The following SYNPO variants were observed in gnomAD, a reference collection of about 807,000 sequenced individuals.
The protein encoded by SYNPO is synaptopodin.
SYNPO carries 19 observed loss-of-function variants against 49.5 expected under a neutral mutation model. That is an observed-to-expected ratio of 0.38 (90% CI 0.27 to 0.56). The LOEUF (loss-of-function observed/expected upper bound fraction) is 0.56, where lower values mean the gene tolerates loss of function less well. Among genes scored for constraint, SYNPO ranks in the 20% least tolerant of loss-of-function variants. SYNPO has a pLI of 0.68. For missense variants in SYNPO, 1,131 were observed against 1,248.3 expected, an observed-to-expected ratio of 0.91 and a Z score of 1.42; for synonymous variants, 536 against 548.0, an observed-to-expected ratio of 0.98 and a Z score of 0.31.
chr5:150,594,530 C>T, the SYNPO span, among the ~76,000 whole-genome samples: 1 of 152,224 alleles, frequency 6.6e-6, no homozygotes, highest in African/African-American at 2.4e-5. Context: ...CTGCTGCCAT[C>T]TCACTGTGTG....
intron 2 of SYNPO, among the ~76,000 whole-genome samples, chr5:150,631,220 C>T (rs1757524652): frequency 6.6e-6 from 1 of 152,214 alleles, no homozygotes; most frequent in African/African-American, 2.4e-5. Flanking sequence ...AGGTCCCTGC[C>T]CTGCGGGGAC....
intron 2 of SYNPO, chr5:150,653,702 G>T (rs1758467273): frequency 6.6e-6 from 1 of 152,196 alleles, no homozygotes; most frequent in Non-Finnish European, 1.5e-5. Flanking sequence ...TCTGCCTTCT[G>T]CGGCCAGCCT....
upstream of SYNPO, chr5:150,640,099 A>T: frequency 1.0e-6 from 1 of 984,696 alleles, no homozygotes; most frequent in Non-Finnish European, 1.2e-6. Context: ...TGTGGAAGTA[A>T]GTGAAGTAAG....
intron 2 of SYNPO, among the ~76,000 whole-genome samples, chr5:150,632,191 G>A (rs926433372): frequency 6.6e-6 from 1 of 152,064 alleles, no homozygotes; most frequent in Admixed American, 6.6e-5. Flanking sequence ...TTCTACACTC[G>A]GTGTATGGCC....
At chr5:150,601,446 GC>G (rs1210560305) in intron 1 of SYNPO, among the ~76,000 whole-genome samples, 1 of 152,180 alleles carries the variant, frequency 6.6e-6, no homozygotes, top group African/African-American at 2.4e-5. Flanking sequence ...GAGAAAAGAT[GC>G]AGCTGGCCCC....
rs1330543349 is a variant in SYNPO at position 150,649,963 on chromosome 5, C to T, written c.1688C>T (p.Pro563Leu). Residue 563 changes from proline to leucine, a missense_variant, in exon 2 of 3, where the codon CCG becomes CTG. Pro to Leu is a moderately conservative substitution (Grantham distance 98). This residue lies in a region of SYNPO where 602 missense variants were observed against 720.7 expected (regional missense o/e 0.84). Coordinates refer to ENST00000307662, the MANE Select transcript of SYNPO (RefSeq NM_007286.6). ...GVLRPEPTKQ[P>L]PYQLRPSLFV... The stretch of plus-strand genomic sequence containing the variant: ...CTGCGCCCAGAGCCCACCAAGCAGC[C>T]GCCATACCAGCTGCGCCCCTCGCTC... 16 of 1,612,840 alleles carry T rather than the reference C, an allele frequency of 9.9e-6. No individual in the cohort carries two copies. The highest frequency in any genetic ancestry group is 4.5e-5 in the East Asian group (2 of 44,880).
Position 150,648,321 on chromosome 5 carries a change from A to G in SYNPO, c.46A>G (p.Lys16Glu). 1 of 1,614,130 alleles carries G rather than the reference A, an allele frequency of 6.2e-7. No individual in the cohort carries two copies. The highest frequency in any genetic ancestry group is 1.3e-5 in the African/African-American group (1 of 75,042). ...EEASLLRHLEKVASEEEEVPL... is the reference protein window; with the variant it reads ...EEASLLRHLEEVASEEEEVPL... ...GGCTAGCTTGCTGCGGCACCTGGAG[A>G]AGGTGGCCAGTGAGGAGGAAGAGGT... The change falls in exon 2 of 3, where the codon AAG (lysine) becomes GAG (glutamate). Residue 16 changes from lysine to glutamate, a missense_variant. By Grantham distance (56) the Lys-to-Glu change is moderately conservative (BLOSUM62 1). Transcript: ENST00000307662. The surrounding 1 kb of genome is among the most constrained non-coding windows in gnomAD (Gnocchi z 5.0).
At chr5:150,654,544 A>C (rs935307346) in intron 2 of SYNPO, among the ~76,000 whole-genome samples, 2 of 152,200 alleles carry the variant, frequency 1.3e-5, no homozygotes, top group African/African-American at 4.8e-5. Flanking sequence ...GAAAGTCCTT[A>C]AGTACATAGG....
intron 1 of SYNPO, among the ~76,000 whole-genome samples, chr5:150,613,351 C>A (rs1756901723): frequency 6.6e-6 from 1 of 152,258 alleles, no homozygotes; most frequent in East Asian, 1.9e-4. Flanking sequence ...TCTTCTCAGC[C>A]CTTCCATACA....
At chr5:150,612,258 C>T (rs1017260558) in intron 1 of SYNPO, among the ~76,000 whole-genome samples, 9 of 152,194 alleles carry the variant, frequency 5.9e-5, no homozygotes, top group African/African-American at 1.9e-4. Flanking sequence ...CATCTGAACC[C>T]GTTCAGAGTC....
At chr5:150,591,402 C>T in the SYNPO span, among the ~76,000 whole-genome samples, 2 of 152,326 alleles carry the variant, frequency 1.3e-5, no homozygotes, top group African/African-American at 4.8e-5. Context: ...TTCCTGCAGG[C>T]CTGCCCCAGG....
chr5:150,656,094 C>A lies in SYNPO; in HGVS notation c.2029-310C>A, dbSNP rs565116978. ...TAAGGTTAAGTACTGTTATCACACCCCATTTTACAGAAGCAGAAACTGAAG... is the reference window on the plus strand; with the variant it reads ...TAAGGTTAAGTACTGTTATCACACCACATTTTACAGAAGCAGAAACTGAAG... On this transcript the variant is annotated intron_variant, in intron 2 of 2. Coordinates refer to ENST00000307662, the MANE Select transcript of SYNPO (RefSeq NM_007286.6). Among the ~76,000 whole-genome samples, 8 of 152,340 alleles carry A rather than the reference C, an allele frequency of 5.3e-5. 1 individual carries two copies. In the East Asian group the frequency reaches 9.6e-4, roughly 18 times the overall value.
intron 2 of SYNPO, among the ~76,000 whole-genome samples, chr5:150,626,908 G>A (rs1165103203): frequency 1.3e-5 from 2 of 152,184 alleles, no homozygotes; most frequent in African/African-American, 4.8e-5. Context: ...GGAGAAGCAT[G>A]GGAGGAACCT....
intron 2 of SYNPO, among the ~76,000 whole-genome samples, chr5:150,620,941 C>CTTTCTTTCTTTCTTTCTTTCT (rs1554108209): frequency 9.7e-6 from 1 of 103,040 alleles, no homozygotes; most frequent in Non-Finnish European, 1.9e-5. Flanking sequence ...TTCTTTCTTT[C>CTTTCTTTCTTTCTTTCTTTCT]TTTCTTTTCT....
chr5:150,618,639 C>T, exon 2 of SYNPO: 1 of 1,551,360 alleles, frequency 6.4e-7, no homozygotes, highest in Non-Finnish European at 8.7e-7. Flanking sequence ...CCCAGCTGCT[C>T]CAGAGAGGAA....
chr5:150,621,242 C>T (rs912256669), intron 2 of SYNPO, among the ~76,000 whole-genome samples: 4 of 152,160 alleles, frequency 2.6e-5, no homozygotes, highest in African/African-American at 4.8e-5. Context: ...CGTGAGCCAC[C>T]GCACCAGGCC....
upstream of SYNPO, among the ~76,000 whole-genome samples, chr5:150,597,525 G>A (rs549561670): frequency 1.3e-5 from 2 of 151,992 alleles, no homozygotes; most frequent in East Asian, 1.9e-4. Flanking sequence ...GTAGAGACAA[G>A]GTTTCTCCAT....
intron 2 of SYNPO, among the ~76,000 whole-genome samples, chr5:150,627,401 C>A (rs1001638730): frequency 6.6e-5 from 10 of 152,198 alleles, no homozygotes; most frequent in Non-Finnish European, 1.5e-4. Flanking sequence ...TACTGTGTGA[C>A]CTTGGGTAAA....
chr5:150,651,918 A>G (rs888329183), intron 2 of SYNPO: 6 of 1,000,368 alleles, frequency 6.0e-6, no homozygotes, highest in Admixed American at 6.1e-5. Context: ...CACAAGTGGC[A>G]GGATTCAGAT....
Sources: allele counts gnomAD v4.1 joint callset (sites outside exome capture counted in the v4.1 genomes callset), GRCh38; gene constraint gnomAD v4.1.1; regional missense constraint gnomAD v4.1.1; non-coding constraint Gnocchi (gnomAD v3.1); transcripts MANE v1.5; gene names NCBI Gene and HGNC (gene_info 2026-07-23, HGNC 2026-07-21).